The following KCNJ15 variants were observed in gnomAD, a reference collection of about 807,000 sequenced individuals.
The protein encoded by KCNJ15 is potassium inwardly rectifying channel subfamily J member 15, also known as ATP-sensitive inward rectifier potassium channel 15.
Under a neutral mutation model 23.0 loss-of-function variants are expected in KCNJ15, and 14 were observed. The observed-to-expected ratio is 0.61, with a 90% CI of 0.40 to 0.95. KCNJ15 has a LOEUF of 0.95. Ranked by LOEUF, KCNJ15 falls within the 40% of genes least tolerant of loss-of-function variation. The pLI is 0.00. For synonymous variants in KCNJ15, 185 were observed against 183.2 expected (o/e 1.01, Z -0.08); for missense variants, 388 against 461.8 (o/e 0.84, Z 1.46).
intron 1 of KCNJ15, among the ~76,000 whole-genome samples, chr21:38,267,603 C>T: frequency 6.6e-6 from 1 of 152,122 alleles, no homozygotes; most frequent in Admixed American, 6.5e-5. Flanking sequence ...TTAATGGCGC[C>T]ACCCTTGACT....
At chr21:38,268,735 C>T (rs1041949941) in intron 1 of KCNJ15, among the ~76,000 whole-genome samples, 1 of 152,046 alleles carries the variant, frequency 6.6e-6, no homozygotes, top group African/African-American at 2.4e-5. Flanking sequence ...GGTGTGCAGA[C>T]TCCTGGCAGC....
chr21:38,238,389 A>G, intron 1 of KCNJ15: 1 of 714,608 alleles, frequency 1.4e-6, no homozygotes, highest in Non-Finnish European at 2.6e-6. Context: ...CATCAGCCAG[A>G]ATCAGCACCA....
intron 1 of KCNJ15, chr21:38,238,124 G>T (rs73414727): frequency 0.024 from 8,819 of 365,922 alleles, 714 homozygotes; most frequent in African/African-American, 0.17. Flanking sequence ...TGGTGGCAGG[G>T]TGCTCAGGGA....
intron 1 of KCNJ15, among the ~76,000 whole-genome samples, chr21:38,276,337 T>C (rs1030405084): frequency 8.6e-5 from 13 of 152,030 alleles, no homozygotes; most frequent in African/African-American, 3.1e-4. Flanking sequence ...TCTTAGGAAA[T>C]GGTACCATAG....
intron 1 of KCNJ15, among the ~76,000 whole-genome samples, chr21:38,274,372 C>A (rs1382470870): frequency 1.3e-5 from 2 of 152,158 alleles, no homozygotes; most frequent in East Asian, 3.9e-4. Flanking sequence ...TCACACTTCT[C>A]CAATTTCTGT....
At chr21:38,272,943 G>A (rs1982256418) in intron 1 of KCNJ15, among the ~76,000 whole-genome samples, 1 of 152,184 alleles carries the variant, frequency 6.6e-6, no homozygotes, top group Admixed American at 6.5e-5. Flanking sequence ...AGTTGGTTAT[G>A]CCAAAGACTG....
chr21:38,232,803 T>A (rs1456534001), intron 1 of KCNJ15, among the ~76,000 whole-genome samples: 1 of 152,004 alleles, frequency 6.6e-6, no homozygotes, highest in East Asian at 1.9e-4. Flanking sequence ...TCCAATGTCA[T>A]TGGAGAATAT....
chr21:38,248,642 A>G (rs999076486), intron 1 of KCNJ15, among the ~76,000 whole-genome samples: 1 of 152,186 alleles, frequency 6.6e-6, no homozygotes, highest in Non-Finnish European at 1.5e-5. Flanking sequence ...CAGATCTTGA[A>G]GGAACTGGAG....
chr21:38,303,351 T>C lies in KCNJ15; in HGVS notation c.*2962T>C, dbSNP rs1353178574. 6.6e-6 allele frequency: 1 copy of C among 151,962 alleles called. No homozygotes were observed. Among genetic ancestry groups the C allele is most frequent in the African/African-American group, 2.4e-5 (1 of 41,388 alleles). The allele number at this position is 151,962 out of a possible 1,614,324, so 9.4% of individuals were successfully genotyped here. On this transcript the variant is annotated 3_prime_UTR_variant, in exon 3 of 3. Coordinates refer to ENST00000398938, the MANE Select transcript of KCNJ15 (RefSeq NM_170736.3). ...TTTGAATTTTGAAACATTTCTAATG[T>C]GTTAGGTTTTCTCAATGAGACCATT...
At chr21:38,244,626 G>C (rs1053022592) in intron 1 of KCNJ15, among the ~76,000 whole-genome samples, 15 of 152,078 alleles carry the variant, frequency 9.9e-5, no homozygotes, top group African/African-American at 3.6e-4. Flanking sequence ...GTCTCCAACT[G>C]CCTCCTCCGG....
At chr21:38,277,152 G>A (rs1043158142) in intron 1 of KCNJ15, among the ~76,000 whole-genome samples, 3 of 152,058 alleles carry the variant, frequency 2.0e-5, no homozygotes, top group Non-Finnish European at 4.4e-5. Context: ...GTTGACAATG[G>A]TCTTTCCAAA....
At chr21:38,241,316 C>A in intron 1 of KCNJ15, among the ~76,000 whole-genome samples, 1 of 45,594 alleles carries the variant, frequency 2.2e-5, no homozygotes, top group East Asian at 8.8e-3. Context: ...TCCAAGCCAC[C>A]CTCCCTCTGC....
chr21:38,248,250 G>A (rs1012935743), intron 1 of KCNJ15, among the ~76,000 whole-genome samples: 1 of 152,310 alleles, frequency 6.6e-6, no homozygotes, highest in East Asian at 1.9e-4. Flanking sequence ...ATTTCGTTAA[G>A]TTCTGTAACC....
At chr21:38,258,561 G>A (rs1326081834) in intron 1 of KCNJ15, among the ~76,000 whole-genome samples, 1 of 152,234 alleles carries the variant, frequency 6.6e-6, no homozygotes, top group Non-Finnish European at 1.5e-5. Flanking sequence ...GATTAGAAGA[G>A]TTTAACCAAA....
upstream of KCNJ15, among the ~76,000 whole-genome samples, chr21:38,256,378 A>ATG (rs67922730): frequency 0.061 from 8,787 of 143,612 alleles, 941 homozygotes; most frequent in African/African-American, 0.18. Context: ...ATATATATAT[A>ATG]TAATATTTAT....
At position 38,287,258 on chromosome 21, in the gene KCNJ15, C is replaced by T. The variant is rs923738512; in HGVS notation, c.-116-9668C>T. Among the ~76,000 whole-genome samples, 9 of 152,170 alleles carry T rather than the reference C, an allele frequency of 5.9e-5. 1 individual carries two copies. Among genetic ancestry groups the T allele is most frequent in the Admixed American group, 4.6e-4 (7 of 15,274 alleles). On this transcript the variant is annotated intron_variant, in intron 1 of 2. Transcript: ENST00000398938. ...GTAAGCCATGCATGAAAAGGCTGCA[C>T]CCCCATCCCGCAGTGGTTAGATTTG...
chr21:38,300,060 C>G lies in KCNJ15; in HGVS notation c.799C>G (p.Leu267Val), dbSNP rs1160508600. Residue 267 changes from leucine (L) to valine (V), a missense_variant, in exon 3 of 3, where the codon CTC (leucine) becomes GTC (valine). Leu to Val is a conservative substitution (Grantham distance 32). Coordinates refer to ENST00000398938, the MANE Select transcript of KCNJ15 (RefSeq NM_170736.3). ...GGATGAGACGAGCCCCCTGAGAGAC[C>G]TCACACCCCAAAACCTAAAGGAGAA... ...VLDETSPLRDLTPQNLKEKEF... is the reference protein window; with the variant it reads ...VLDETSPLRDVTPQNLKEKEF... 6.2e-7 allele frequency: 1 copy of G among 1,613,984 alleles called. No individual in the cohort carries two copies. The highest frequency in any genetic ancestry group is 1.3e-5 in the African/African-American group (1 of 74,898).
At chr21:38,245,193 G>A (rs1023907622) in intron 1 of KCNJ15, among the ~76,000 whole-genome samples, 1 of 151,998 alleles carries the variant, frequency 6.6e-6, no homozygotes, top group Non-Finnish European at 1.5e-5. Context: ...GGAGTTTACC[G>A]CATCCTGGTT....
chr21:38,295,977 AACTAT>A (rs1439226496), intron 1 of KCNJ15, among the ~76,000 whole-genome samples: 1 of 151,928 alleles, frequency 6.6e-6, no homozygotes, highest in Non-Finnish European at 1.5e-5. Context: ...GGAATACTTT[AACTAT>A]AAGAGAGTAA....
Sources: allele counts gnomAD v4.1 joint callset (sites outside exome capture counted in the v4.1 genomes callset), GRCh38; gene constraint gnomAD v4.1.1; transcripts MANE v1.5; gene names NCBI Gene and HGNC (gene_info 2026-07-23, HGNC 2026-07-21).